Variants in LRP1 observed in about 807,000 individuals in gnomAD.
The protein encoded by LRP1 is prolow-density lipoprotein receptor-related protein 1.
A neutral mutation model predicts 541.5 loss-of-function variants in LRP1; 51 were observed. The observed-to-expected ratio is 0.09, with a 90% CI of 0.08 to 0.12. The LOEUF is 0.12. LRP1 is among the 10% of genes least tolerant of loss of function. The pLI is 1.00. For synonymous variants in LRP1, 2,219 were observed against 2,470.8 expected, an observed-to-expected ratio of 0.90 and a Z score of 3.02; for missense variants, 3,878 against 6,376.2, an observed-to-expected ratio of 0.61 and a Z score of 13.34.
chr12:57,212,255 T>C lies in LRP1; in HGVS notation c.13488T>C (p.Pro4496=), dbSNP rs1457182592. The C allele has an allele frequency of 6.2e-7, 1 of 1,612,970 alleles. No individual in the cohort carries two copies. Among genetic ancestry groups the C allele is most frequent in the African/African-American group, 1.3e-5 (1 of 74,962 alleles). Residue 4496 remains proline (P), a synonymous_variant, in exon 88 of 89, where the codon CCT becomes CCC. Coordinates refer to ENST00000243077, the MANE Select transcript of LRP1 (RefSeq NM_002332.3). The surrounding 1 kb of genome is among the most constrained non-coding windows in gnomAD (Gnocchi z 5.0). ...GLLDADFALD[P]DKPTNFTNPV... ...TGGACGCTGACTTTGCCCTGGACCC[T>C]GACAAGGTGGGCTGGGAGGCGGGCA...
chr12:57,200,407 C>A, intron 62 of LRP1, 35 bp from the exon 63 acceptor site: 3 of 1,200,728 alleles, frequency 2.5e-6, no homozygotes, highest in East Asian at 2.3e-5. Context: ...CCCCCAGACC[C>A]CCACCAACCC....
intron 44 of LRP1, 47 bp from the exon 45 acceptor site, chr12:57,192,798 C>T: frequency 1.9e-6 from 3 of 1,612,658 alleles, no homozygotes; most frequent in South Asian, 2.2e-5. Flanking sequence ...GGTGCATGCA[C>T]AGCAGAGAAC....
At position 57,208,234 on chromosome 12, in the gene LRP1, G is replaced by C. The variant is rs748585169; in HGVS notation, c.12038+18G>C. 2 of 1,609,732 alleles carry C rather than the reference G, an allele frequency of 1.2e-6. No homozygotes were observed. The highest frequency in any genetic ancestry group is 2.2e-5 in the East Asian group (1 of 44,748). Reference sequence around the variant, plus strand: ...CTGAGGGGGTGGGCAAGGGCCCTGGGGGGAGGCCTCTGGGCTGGTGGTAGG... The same window carrying C: ...CTGAGGGGGTGGGCAAGGGCCCTGGCGGGAGGCCTCTGGGCTGGTGGTAGG... On this transcript the variant is annotated intron_variant, in intron 77 of 88. Transcript: ENST00000243077.
chr12:57,201,418 G>C lies in LRP1; in HGVS notation c.10346-79G>C. ...GCTGGCAGGACCAAGGCCAGGGCTT[G>C]GAAGAGAGAGAAGACAGTGATGGTG... On this transcript the variant is annotated intron_variant, in intron 65 of 88. Transcript: ENST00000243077. This position sits in a 1 kb window ranked among gnomAD's most constrained non-coding sequence, Gnocchi z 6.4. 6.5e-7 allele frequency: 1 copy of C among 1,541,884 alleles called. No individual in the cohort carries two copies. Among genetic ancestry groups the C allele is most frequent in the Middle Eastern group, 1.7e-4 (1 of 5,724 alleles).
intron 1 of LRP1, among the ~76,000 whole-genome samples, chr12:57,132,971 C>A (rs2035069327): frequency 6.6e-6 from 1 of 152,198 alleles, no homozygotes; most frequent in Non-Finnish European, 1.5e-5. Flanking sequence ...CCTCTTTCTT[C>A]TTCCCCCTCC....
rs1231562744 is a variant in LRP1 at position 57,205,921 on chromosome 12, A to G, written c.11590+244A>G. 5.1e-6 allele frequency: 3 copies of G among 583,102 alleles called. No homozygotes were observed. The highest frequency in any genetic ancestry group is 9.1e-6 in the Non-Finnish European group (3 of 329,536). The allele number at this position is 583,102 out of a possible 1,614,324, so 36.1% of individuals were successfully genotyped here. A position where few individuals can be genotyped will look rare whatever the true frequency, so the allele number is the denominator to read the frequency against. ...GAATTGCACACACACCTCCTCACCCACCACTGCCAGGACGAGAGTACACTC... is the reference window on the plus strand; with the variant it reads ...GAATTGCACACACACCTCCTCACCCGCCACTGCCAGGACGAGAGTACACTC... On this transcript the variant is annotated intron_variant, in intron 75 of 88. Transcript: ENST00000243077. The surrounding 1 kb of genome is among the most constrained non-coding windows in gnomAD (Gnocchi z 4.6).
At chr12:57,161,869 C>T (rs562925691) in intron 13 of LRP1, among the ~76,000 whole-genome samples, 1 of 152,270 alleles carries the variant, frequency 6.6e-6, no homozygotes, top group East Asian at 1.9e-4. Flanking sequence ...GGGCAGAGAT[C>T]GTGTCGTTTT....
At chr12:57,172,099 G>T (rs1482607129) in intron 20 of LRP1, among the ~76,000 whole-genome samples, 1 of 141,492 alleles carries the variant, frequency 7.1e-6, no homozygotes, top group East Asian at 2.1e-4. Context: ...TCCCTCTGTC[G>T]CTCAGGCTGG....
In LRP1 at chr12:57,193,572, G is replaced by A. The variant is rs35451280; in HGVS notation, c.7691G>A (p.Arg2564His). ...CCTACTCCTCCATTTGCAGACTCCC[G>A]CCGCTGCAAGAAGACTTTCCGGCAG... ...SDEKPSYCNS[R>H]RCKKTFRQCS... is the part of the protein sequence containing the mutation. The change falls in exon 47 of 89, where the codon CGC becomes CAC. Residue 2564 changes from arginine (R) to histidine (H), a missense_variant. Coordinates refer to ENST00000243077, the MANE Select transcript of LRP1 (RefSeq NM_002332.3). 22 of 1,613,774 alleles carry A rather than the reference G, an allele frequency of 1.4e-5. No homozygotes were observed. The highest frequency in any genetic ancestry group is 4.0e-5 in the African/African-American group (3 of 75,034).
At chr12:57,131,359 G>A (rs2035036020) in intron 1 of LRP1, among the ~76,000 whole-genome samples, 1 of 152,170 alleles carries the variant, frequency 6.6e-6, no homozygotes, top group Non-Finnish European at 1.5e-5. Context: ...AAGATGGGGT[G>A]GAGAATGGGA....
Position 57,189,994 on chromosome 12 carries a change from C to T in LRP1, c.7032-811C>T, listed in dbSNP as rs2036345253. ...CCACAGCCCCCCTCCAGCCTCAGCA[C>T]CACCCCACAAGGAGCACGGCATAAT... On this transcript the variant is annotated intron_variant, in intron 42 of 88. Transcript: ENST00000243077. This position sits in a 1 kb window ranked among gnomAD's most constrained non-coding sequence, Gnocchi z 4.4. Among the ~76,000 whole-genome samples the T allele has an allele frequency of 6.6e-6, 1 of 152,166 alleles. No homozygotes were observed. The highest frequency in any genetic ancestry group is 2.1e-4 in the South Asian group (1 of 4,836).
Position 57,185,454 on chromosome 12 carries a change from C to T in LRP1, c.6464-77C>T. ...ACCGAGGCAGAGGGCAGAGCTTTCG[C>T]CAAAGCCTGGATGACAAAGGCACCA... On this transcript the variant is annotated intron_variant, in intron 40 of 88. Transcript: ENST00000243077. The surrounding 1 kb of genome is among the most constrained non-coding windows in gnomAD (Gnocchi z 4.9). 1.3e-6 allele frequency: 2 copies of T among 1,497,994 alleles called. No homozygotes were observed. Among genetic ancestry groups the T allele is most frequent in the Non-Finnish European group, 1.8e-6 (2 of 1,126,280 alleles). 92.8% of individuals were successfully genotyped at this position (1,497,994 alleles called of 1,614,324 possible).
chr12:57,200,076 A>AGG, intron 62 of LRP1, 51 bp downstream of exon 62: 1 of 1,490,086 alleles, frequency 6.7e-7, no homozygotes, highest in Non-Finnish European at 9.1e-7. Context: ...CCAACCCCCA[A>AGG]ATCCTCCTTG....
In LRP1 at chr12:57,165,115, A is replaced by C. The variant is rs2035812897; in HGVS notation, c.2531-690A>C. 6.6e-6 allele frequency: 1 copy of C among 152,604 alleles called. No homozygotes were observed. The highest frequency in any genetic ancestry group is 2.4e-5 in the African/African-American group (1 of 41,422). The allele number at this position is 152,604 out of a possible 1,614,324, so 9.5% of individuals were successfully genotyped here. A position where few individuals can be genotyped will look rare whatever the true frequency, so the allele number is the denominator to read the frequency against. On this transcript the variant is annotated intron_variant, in intron 15 of 88. Transcript: ENST00000243077. This position sits in a 1 kb window ranked among gnomAD's most constrained non-coding sequence, Gnocchi z 4.5. ...ATACCAGCCTCCAGGTCCATGGTCC[A>C]TGGGATACGGGAGGGGAAATCGCCA... is the stretch of plus-strand genomic sequence containing the variant.
Position 57,206,751 on chromosome 12 carries a change from C to G in LRP1, c.11859+10C>G. The G allele has an allele frequency of 3.1e-6, 5 of 1,609,322 alleles. No homozygotes were observed. In the East Asian group the frequency reaches 1.1e-4, roughly 36 times the overall value. On this transcript the variant is annotated intron_variant, in intron 76 of 88. Coordinates refer to ENST00000243077, the MANE Select transcript of LRP1 (RefSeq NM_002332.3). This position sits in a 1 kb window ranked among gnomAD's most constrained non-coding sequence, Gnocchi z 4.7. ...TGTCACCCACCTCAACGTGAGTGCCCAACCTGGCGTGGATGGAGTGGAAGA... is the reference window on the plus strand; with the variant it reads ...TGTCACCCACCTCAACGTGAGTGCCGAACCTGGCGTGGATGGAGTGGAAGA...
chr12:57,209,871 G>A lies in LRP1; in HGVS notation c.12439+3G>A. ...CCATCAGCACAAGCAGCCCGAAGGT[G>A]GGGGCAGAGGGGAGCCTGGGCTGGG... On this transcript the variant is annotated splice_donor_region_variant and intron_variant, in intron 80 of 88. Coordinates refer to ENST00000243077, the MANE Select transcript of LRP1 (RefSeq NM_002332.3). 6.2e-7 allele frequency: 1 copy of A among 1,612,430 alleles called. No individual in the cohort carries two copies. The highest frequency in any genetic ancestry group is 8.5e-7 in the Non-Finnish European group (1 of 1,179,086).
chr12:57,194,549 G>A (rs2036486284), intron 49 of LRP1, 28 bp from the exon 50 acceptor site: 2 of 1,612,584 alleles, frequency 1.2e-6, no homozygotes, highest in Non-Finnish European at 8.5e-7. Context: ...GCGGTGAGCA[G>A]GGCCCTCACA....
chr12:57,204,653 C>T lies in LRP1; in HGVS notation c.11098C>T (p.Pro3700Ser), dbSNP rs748799181. ...CCGGTTCGTGTGCCCTCCCAACCGG[C>T]CCTTCCGTTGCAAGAATGACCGCGT... ...CARFVCPPNR[P>S]FRCKNDRVCL... Residue 3700 changes from proline to serine, a missense_variant, in exon 72 of 89, where the codon CCC becomes TCC. Physicochemically the swap from Pro to Ser is moderately conservative, Grantham distance 74. Around this residue, in one of 13 missense-constraint regions of LRP1, gnomAD observed 871 missense variants for 1,212.4 expected, o/e 0.72. Transcript: ENST00000243077. This position sits in a 1 kb window ranked among gnomAD's most constrained non-coding sequence, Gnocchi z 5.3. 1 of 1,613,894 alleles carries T rather than the reference C, an allele frequency of 6.2e-7. No homozygotes were observed. Among genetic ancestry groups the T allele is most frequent in the South Asian group, 1.1e-5 (1 of 91,086 alleles).
rs772776317 is a variant in LRP1 at position 57,175,954 on chromosome 12, G to A, written c.3839G>A (p.Arg1280Gln). The change falls in exon 24 of 89, where the codon CGG becomes CAG. Residue 1280 changes from arginine to glutamine, a missense_variant. Coordinates refer to ENST00000243077, the MANE Select transcript of LRP1 (RefSeq NM_002332.3). Reference sequence around the variant, plus strand: ...ATTTTCTCCAACCGCCATGAAATCCGGCGCATCGATCTTCACAAAGGAGAC... The same window carrying A: ...ATTTTCTCCAACCGCCATGAAATCCAGCGCATCGATCTTCACAAAGGAGAC... Reference protein sequence around the residue: ...FIIFSNRHEIRRIDLHKGDYS... With the variant: ...FIIFSNRHEIQRIDLHKGDYS... 1.9e-6 allele frequency: 3 copies of A among 1,614,082 alleles called. No individual in the cohort carries two copies. The highest frequency in any genetic ancestry group is 2.7e-5 in the African/African-American group (2 of 74,938).
Sources: allele counts gnomAD v4.1 joint callset (sites outside exome capture counted in the v4.1 genomes callset), GRCh38; gene constraint gnomAD v4.1.1; regional missense constraint gnomAD v4.1.1; non-coding constraint Gnocchi (gnomAD v3.1); transcripts MANE v1.5; gene names NCBI Gene and HGNC (gene_info 2026-07-23, HGNC 2026-07-21).